PNPLA8: variants seen among roughly 807,000 people sequenced by gnomAD.
PNPLA8 encodes patatin like domain 8, phospholipase A2.
A neutral mutation model predicts 76.9 loss-of-function variants in PNPLA8; 39 were observed. The ratio of observed to expected loss-of-function variants is 0.51; its 90% CI spans 0.39 to 0.66. The LOEUF (loss-of-function observed/expected upper bound fraction) is 0.66. PNPLA8 is among the 30% of genes least tolerant of loss of function. PNPLA8 has a pLI of 0.00. For synonymous variants in PNPLA8, 301 were observed against 307.9 expected (o/e 0.98, Z 0.24); for missense variants, 887 against 918.0 (o/e 0.97, Z 0.44).
chr7:108,509,775 C>T (rs1457429414), intron 4 of PNPLA8, among the ~76,000 whole-genome samples: 4 of 147,182 alleles, frequency 2.7e-5, no homozygotes, highest in Admixed American at 6.8e-5. Flanking sequence ...TTGGAACCAA[C>T]CCAAATGTCC....
At chr7:108,522,407 T>C (rs1863810441) in intron 1 of PNPLA8, among the ~76,000 whole-genome samples, 1 of 152,210 alleles carries the variant, frequency 6.6e-6, no homozygotes, top group Non-Finnish European at 1.5e-5. Flanking sequence ...CACCTCCTTA[T>C]GGTAACCCAA....
intron 4 of PNPLA8, chr7:108,510,503 G>C: frequency 2.2e-6 from 3 of 1,384,388 alleles, no homozygotes; most frequent in Non-Finnish European, 3.0e-6. Context: ...ACTGGCATTT[G>C]TCATCAGAAT....
chr7:108,486,801 A>G (rs1437820944), intron 9 of PNPLA8, among the ~76,000 whole-genome samples: 1 of 152,126 alleles, frequency 6.6e-6, no homozygotes, highest in Non-Finnish European at 1.5e-5. Context: ...TGAGTTTTTG[A>G]ATGCCGTCTT....
intron 9 of PNPLA8, among the ~76,000 whole-genome samples, chr7:108,486,700 A>G (rs1443343603): frequency 2.0e-5 from 3 of 152,156 alleles, no homozygotes; most frequent in Admixed American, 6.5e-5. Flanking sequence ...TCAAAATGAG[A>G]TAAAATTGAT....
chr7:108,479,503 G>C, intron 9 of PNPLA8, 124 bp from the exon 10 acceptor site: 1 of 658,142 alleles, frequency 1.5e-6, no homozygotes, highest in Admixed American at 3.0e-5. Flanking sequence ...TTCTTTTATA[G>C]ACTACAGCTG....
In PNPLA8 at chr7:108,514,826, A is replaced by G. The variant is rs770134346; in HGVS notation, c.666T>C (p.Ser222=). ...NSYFKRKEKM[S]QQKENEHFRD... ...GGAAATGTTCATTTTCCTTTTGTTG[A>G]GACATTTTTTCCTTACGTTTGAAAT... is the stretch of plus-strand genomic sequence containing the variant. The change falls in exon 3 of 11, where the codon TCT becomes TCC. Residue 222 remains serine (S), a synonymous_variant. Transcript: ENST00000257694. The G allele has an allele frequency of 1.2e-6, 2 of 1,613,180 alleles. No individual in the cohort carries two copies. The highest frequency in any genetic ancestry group is 2.2e-5 in the South Asian group (2 of 91,038).
At chr7:108,503,680 G>A (rs1226595859) in intron 4 of PNPLA8, among the ~76,000 whole-genome samples, 1 of 152,190 alleles carries the variant, frequency 6.6e-6, no homozygotes, top group African/African-American at 2.4e-5. Flanking sequence ...ATGGAGCCAA[G>A]AATCTGGAGA....
At chr7:108,499,173 A>G (rs550530218) in intron 5 of PNPLA8, among the ~76,000 whole-genome samples, 43 of 152,358 alleles carry the variant, frequency 2.8e-4, no homozygotes, top group Non-Finnish European at 5.4e-4. Flanking sequence ...ATAGGCACGT[A>G]TATGTTCACA....
chr7:108,487,771 A>T lies in PNPLA8; in HGVS notation c.1866T>A (p.Asn622Lys). The T allele has an allele frequency of 6.3e-7, 1 of 1,598,624 alleles. No individual in the cohort carries two copies. ...PGYFAEYALG[N>K]DLHQDGGLLL... ...CAAGTCAACTTACTTGATGAAGATC[A>T]TTTCCCAATGCATATTCTGCAAAGT... Residue 622 changes from asparagine (N) to lysine (K), a missense_variant, in exon 9 of 11, where the codon AAT (asparagine) becomes AAA (lysine). Physicochemically the swap from Asn to Lys is moderately conservative, Grantham distance 94. Coordinates refer to ENST00000257694, the MANE Select transcript of PNPLA8 (RefSeq NM_001256007.3).
intron 7 of PNPLA8, among the ~76,000 whole-genome samples, chr7:108,494,523 T>C (rs1042751333): frequency 3.3e-5 from 5 of 152,220 alleles, no homozygotes; most frequent in African/African-American, 1.2e-4. Flanking sequence ...TCCAACCACG[T>C]TGCTGCAAAG....
chr7:108,486,018 G>A (rs1012865665), intron 9 of PNPLA8, among the ~76,000 whole-genome samples: 4 of 151,792 alleles, frequency 2.6e-5, no homozygotes, highest in Non-Finnish European at 4.4e-5. Context: ...AAAGGATTAC[G>A]GTCATCAATA....
intron 9 of PNPLA8, among the ~76,000 whole-genome samples, chr7:108,486,197 G>T (rs1249974840): frequency 6.6e-6 from 1 of 151,930 alleles, no homozygotes; most frequent in Admixed American, 6.6e-5. Context: ...TTGAAGTGTG[G>T]AAAACACAAG....
chr7:108,523,591 C>T (rs1486406344), intron 1 of PNPLA8, among the ~76,000 whole-genome samples: 1 of 152,186 alleles, frequency 6.6e-6, no homozygotes, highest in East Asian at 1.9e-4. Flanking sequence ...CCAAGTTACC[C>T]TTCAGCTTCT....
intron 5 of PNPLA8, among the ~76,000 whole-genome samples, chr7:108,501,172 A>G (rs1342024502): frequency 6.6e-6 from 1 of 152,226 alleles, no homozygotes; most frequent in Non-Finnish European, 1.5e-5. Context: ...AACAATAGGC[A>G]GGGCATGTAC....
At chr7:108,518,752 TATATATACAC>T (rs1360878942) in intron 2 of PNPLA8, among the ~76,000 whole-genome samples, 3 of 125,740 alleles carry the variant, frequency 2.4e-5, no homozygotes, top group African/African-American at 9.2e-5. Context: ...TATATATATA[TATATATACAC>T]ACACACACAC....
intron 4 of PNPLA8, among the ~76,000 whole-genome samples, chr7:108,503,019 C>T (rs1327839677): frequency 6.6e-6 from 1 of 152,112 alleles, no homozygotes; most frequent in African/African-American, 2.4e-5. Flanking sequence ...ACAGTAACTA[C>T]TAGAAGTTAA....
chr7:108,479,306 G>A lies in PNPLA8; in HGVS notation c.1952C>T (p.Pro651Leu), dbSNP rs778118595. ...HECKCLWPDV[P>L]LECIVSLGTG... ...GCCCAGGGATACTATGCACTCTAAC[G>A]GCACATCTGGCCAAAGACATTTACA... The change falls in exon 10 of 11, where the codon CCG becomes CTG. Residue 651 changes from proline (P) to leucine (L), a missense_variant. By Grantham distance (98) the Pro-to-Leu change is moderately conservative (BLOSUM62 -3). Transcript: ENST00000257694. The A allele has an allele frequency of 7.4e-6, 12 of 1,612,796 alleles. No homozygotes were observed. Among genetic ancestry groups the A allele is most frequent in the Admixed American group, 5.0e-5 (3 of 59,978 alleles).
chr7:108,483,126 C>T (rs903511496), intron 9 of PNPLA8, among the ~76,000 whole-genome samples: 1 of 152,200 alleles, frequency 6.6e-6, no homozygotes, highest in African/African-American at 2.4e-5. Context: ...CCAAATAATA[C>T]TCTGGTTGGA....
intron 4 of PNPLA8, among the ~76,000 whole-genome samples, chr7:108,503,555 T>C (rs1862116875): frequency 1.3e-5 from 2 of 152,124 alleles, no homozygotes; most frequent in African/African-American, 4.8e-5. Flanking sequence ...TAAGATGAAA[T>C]ACTCTGTTAC....
Sources: gnomAD v4.1 joint callset for allele counts (sites outside exome capture counted in the v4.1 genomes callset) on GRCh38, gnomAD v4.1.1 for gene constraint, MANE v1.5 for transcripts, NCBI Gene and HGNC (gene_info 2026-07-23, HGNC 2026-07-21) for gene names.